ASAP1: variants seen among roughly 807,000 people sequenced by gnomAD.
ASAP1 encodes the protein arf-GAP with SH3 domain, ANK repeat and PH domain-containing protein 1.
A neutral mutation model predicts 145.2 loss-of-function variants in ASAP1; 43 were observed. The ratio of observed to expected loss-of-function variants is 0.30; its 90% CI spans 0.23 to 0.38. The LOEUF is 0.38. Ranked by LOEUF, ASAP1 falls within the 10% of genes least tolerant of loss-of-function variation. The pLI is 1.00. For missense variants in ASAP1, 1,018 were observed against 1,355.3 expected, an observed-to-expected ratio of 0.75 and a Z score of 3.91; for synonymous variants, 546 against 515.5, an observed-to-expected ratio of 1.06 and a Z score of -0.80.
chr8:130,349,127 A>T (rs1825855094), intron 3 of ASAP1, among the ~76,000 whole-genome samples: 2 of 152,232 alleles, frequency 1.3e-5, no homozygotes, highest in Non-Finnish European at 2.9e-5. Flanking sequence ...GAGAGTACAG[A>T]GCCCACTAAG....
chr8:130,258,950 C>CT (rs1297606300), intron 3 of ASAP1, among the ~76,000 whole-genome samples: 2 of 152,138 alleles, frequency 1.3e-5, no homozygotes, highest in Non-Finnish European at 2.9e-5. Context: ...GTAGGAAGGC[C>CT]TTTTCCCTAT....
At chr8:130,296,508 C>CTT (rs554026885) in intron 3 of ASAP1, among the ~76,000 whole-genome samples, 2,266 of 138,722 alleles carry the variant, frequency 0.016, 73 homozygotes, top group African/African-American at 0.056. Flanking sequence ...TGCTACTTCC[C>CTT]TTTTTTTTTT....
At position 130,405,254 on chromosome 8, in the gene ASAP1, G is replaced by A. The variant is rs117161072; in HGVS notation, c.-27-3284C>T. Among the ~76,000 whole-genome samples the A allele has an allele frequency of 7.3e-3, 1,095 of 149,914 alleles. 8 individuals are homozygous for A. Among genetic ancestry groups the A allele is most frequent in the Non-Finnish European group, 0.011 (747 of 67,606 alleles). On this transcript the variant is annotated intron_variant, in intron 1 of 29. Transcript: ENST00000518721. ...ACTCACACAACAATCCTGCAAGGGA[G>A]ACACTGGGCCAGATTTATAGATGAA...
chr8:130,325,338 G>A (rs779976874), intron 3 of ASAP1, among the ~76,000 whole-genome samples: 4 of 152,168 alleles, frequency 2.6e-5, no homozygotes, highest in Non-Finnish European at 5.9e-5. Context: ...TTCTAGCACT[G>A]AGGCCAACTT....
chr8:130,060,211 A>G (rs2097415800), intron 28 of ASAP1, among the ~76,000 whole-genome samples: 7 of 151,870 alleles, frequency 4.6e-5, no homozygotes, highest in Admixed American at 4.6e-4. Flanking sequence ...AATAGTGACT[A>G]CTTGCTCAGT....
At chr8:130,372,965 CACAG>C (rs10544429) in intron 2 of ASAP1, among the ~76,000 whole-genome samples, 27,887 of 151,616 alleles carry the variant, frequency 0.18, 2,662 homozygotes, top group Non-Finnish European at 0.21. Context: ...CATATACACA[CACAG>C]ACATACACAC....
At chr8:130,107,295 G>A (rs1207735037) in intron 24 of ASAP1, among the ~76,000 whole-genome samples, 2 of 147,542 alleles carry the variant, frequency 1.4e-5, no homozygotes, top group African/African-American at 5.0e-5. Context: ...CCATTCTCCT[G>A]CCTCAGCCTC....
intron 3 of ASAP1, among the ~76,000 whole-genome samples, chr8:130,243,527 C>T (rs868600762): frequency 1.5e-4 from 23 of 152,116 alleles, no homozygotes; most frequent in Admixed American, 9.2e-4. Context: ...CTACTGCCTG[C>T]AAGGCCCTAC....
At chr8:130,422,309 C>A in intron 1 of ASAP1, among the ~76,000 whole-genome samples, 1 of 152,166 alleles carries the variant, frequency 6.6e-6, no homozygotes, top group East Asian at 1.9e-4. Flanking sequence ...ATCACAGTCA[C>A]CTGGTGAGGG....
intron 24 of ASAP1, among the ~76,000 whole-genome samples, chr8:130,093,666 C>CAAAAAAAAAAAAAAAAAAAAAAA (rs71572317): frequency 3.8e-5 from 2 of 52,198 alleles, no homozygotes; most frequent in African/African-American, 1.5e-4. Context: ...GACTCCGTCT[C>CAAAAAAAAAAAAAAAAAAAAAAA]AAAAAAAAAA....
At chr8:130,126,584 T>G (rs558905767) in intron 16 of ASAP1, among the ~76,000 whole-genome samples, 11 of 152,332 alleles carry the variant, frequency 7.2e-5, no homozygotes, top group African/African-American at 2.4e-4. Flanking sequence ...ACCTAAGGCC[T>G]TTTTTCTACA....
intron 2 of ASAP1, among the ~76,000 whole-genome samples, chr8:130,387,509 C>T (rs1828073981): frequency 6.6e-6 from 1 of 150,928 alleles, no homozygotes; most frequent in Non-Finnish European, 1.5e-5. Flanking sequence ...GCACTCCAGC[C>T]TGGGTGACAG....
Position 130,245,767 on chromosome 8 carries a change from A to T in ASAP1, c.187-8773T>A, listed in dbSNP as rs535462766. On this transcript the variant is annotated intron_variant, in intron 3 of 29. Coordinates refer to ENST00000518721, the MANE Select transcript of ASAP1 (RefSeq NM_018482.4). The stretch of plus-strand genomic sequence containing the variant: ...TAAAAGCATCAAGAATTAAAGCTGT[A>T]CAGAAGAAAACTGGAACTCAATAAT... 5.9e-5 allele frequency among the ~76,000 whole-genome samples: 9 copies of T among 152,346 alleles called. No homozygotes were observed. The South Asian group carries it at 1.9e-3, about 32-fold the overall frequency.
intron 3 of ASAP1, among the ~76,000 whole-genome samples, chr8:130,258,026 TA>T (rs1819673222): frequency 6.6e-6 from 1 of 152,142 alleles, no homozygotes; most frequent in African/African-American, 2.4e-5. Flanking sequence ...ATATTTAAAA[TA>T]AAAATTTAAA....
At chr8:130,187,815 A>C (rs374516394) in intron 6 of ASAP1, among the ~76,000 whole-genome samples, 1 of 152,216 alleles carries the variant, frequency 6.6e-6, no homozygotes, top group Non-Finnish European at 1.5e-5. Context: ...CCCGAGGTTC[A>C]GAAGGGCTGG....
intron 5 of ASAP1, among the ~76,000 whole-genome samples, chr8:130,192,247 T>C (rs550281679): frequency 4.8e-4 from 72 of 151,452 alleles, no homozygotes; most frequent in African/African-American, 1.7e-3. Context: ...TCTTAGCTGT[T>C]ATAACTGTCT....
At chr8:130,359,564 A>G (rs1269277609) in intron 2 of ASAP1, among the ~76,000 whole-genome samples, 1 of 146,798 alleles carries the variant, frequency 6.8e-6, no homozygotes, top group African/African-American at 2.5e-5. Flanking sequence ...TGCGACACAC[A>G]CCCACCGCGC....
intron 18 of ASAP1, among the ~76,000 whole-genome samples, chr8:130,122,349 T>C (rs1429711301): frequency 6.6e-6 from 1 of 152,218 alleles, no homozygotes; most frequent in African/African-American, 2.4e-5. Flanking sequence ...CGTAAGGATT[T>C]GATCAACAAC....
intron 4 of ASAP1, 134 bp downstream of exon 4, chr8:130,236,786 AAG>A (rs1491153806): frequency 3.3e-6 from 2 of 601,370 alleles, no homozygotes; most frequent in Non-Finnish European, 5.4e-6. Context: ...AAGAGAAAAA[AAG>A]AGAAATTTCT....
Sources: allele counts gnomAD v4.1 joint callset (sites outside exome capture counted in the v4.1 genomes callset), GRCh38; gene constraint gnomAD v4.1.1; transcripts MANE v1.5; gene names NCBI Gene and HGNC (gene_info 2026-07-23, HGNC 2026-07-21).